MGAT4A: variants seen among roughly 807,000 people sequenced by gnomAD.
The protein encoded by MGAT4A is alpha-1,3-mannosyl-glycoprotein 4-beta-N-acetylglucosaminyltransferase A.
Under a neutral mutation model 74.1 loss-of-function variants are expected in MGAT4A, and 33 were observed. The observed-to-expected ratio is 0.45, with a 90% CI of 0.34 to 0.60. MGAT4A has a LOEUF of 0.60. MGAT4A is among the 20% of genes least tolerant of loss of function. The pLI, the probability that MGAT4A is intolerant of heterozygous loss-of-function variation, is 0.02. For missense variants in MGAT4A, 479 were observed against 628.3 expected, an observed-to-expected ratio of 0.76 and a Z score of 2.54; for synonymous variants, 198 against 210.4, an observed-to-expected ratio of 0.94 and a Z score of 0.51.
At chr2:98,712,158 G>A (rs1289715258) in intron 2 of MGAT4A, among the ~76,000 whole-genome samples, 2 of 152,042 alleles carry the variant, frequency 1.3e-5, no homozygotes, top group Non-Finnish European at 2.9e-5. Context: ...CCCACTCCTT[G>A]GTTCAATCCA....
At chr2:98,726,167 A>G (rs765109823) in intron 2 of MGAT4A, 72 bp downstream of exon 2, 4 of 1,114,522 alleles carry the variant, frequency 3.6e-6, no homozygotes, top group African/African-American at 3.1e-5. Flanking sequence ...ATTTGACCTA[A>G]GCATTTAGGC....
intron 4 of MGAT4A, among the ~76,000 whole-genome samples, chr2:98,668,783 A>C (rs1017119234): frequency 4.6e-5 from 7 of 152,240 alleles, no homozygotes; most frequent in Non-Finnish European, 8.8e-5. Context: ...GCCCAAGACC[A>C]TGGGAACCCA....
chr2:98,623,384 C>T lies in MGAT4A; in HGVS notation c.*2182G>A. The stretch of plus-strand genomic sequence containing the variant: ...CAGAGCATGGTCTTTCTTCATGAAA[C>T]CAGAGTTGGCAACTGAGGAACCAGG... On this transcript the variant is annotated 3_prime_UTR_variant, in exon 16 of 16. Coordinates refer to ENST00000393487, the MANE Select transcript of MGAT4A (RefSeq NM_012214.3). The T allele has an allele frequency of 1.0e-6, 1 of 985,394 alleles. No individual in the cohort carries two copies. The highest frequency in any genetic ancestry group is 1.2e-6 in the Non-Finnish European group (1 of 829,936). 61.0% of individuals were successfully genotyped at this position (985,394 alleles called of 1,614,324 possible).
At chr2:98,684,909 A>C (rs1259250445) in intron 2 of MGAT4A, among the ~76,000 whole-genome samples, 1 of 152,204 alleles carries the variant, frequency 6.6e-6, no homozygotes, top group Admixed American at 6.5e-5. Flanking sequence ...AATATTTATT[A>C]GATAATAAAA....
rs145830526 is a variant in MGAT4A at position 98,666,221 on chromosome 2, CA to C, written c.404-3043del. ...TGCAAATAGGGCTTCAGCTGGCAGA[CA>C]AGAGAAGGGGAGGAATCAAGGGTGA... is the stretch of plus-strand genomic sequence containing the variant. On this transcript the variant is annotated intron_variant, in intron 4 of 15. Coordinates refer to ENST00000393487, the MANE Select transcript of MGAT4A (RefSeq NM_012214.3). 3.7e-3 allele frequency among the ~76,000 whole-genome samples: 569 copies of C among 152,196 alleles called. 1 individual carries two copies. The highest frequency in any genetic ancestry group is 6.6e-3 in the Non-Finnish European group (447 of 67,994).
intron 7 of MGAT4A, 24 bp from the exon 8 acceptor site, chr2:98,655,544 T>C (rs769546669): frequency 6.3e-5 from 97 of 1,528,270 alleles, no homozygotes; most frequent in Non-Finnish European, 8.5e-5. Flanking sequence ...TTTCAAAAAG[T>C]AAGTTAGGAA....
At chr2:98,701,943 G>A (rs867362045) in intron 2 of MGAT4A, among the ~76,000 whole-genome samples, 11 of 152,276 alleles carry the variant, frequency 7.2e-5, no homozygotes, top group Middle Eastern at 3.4e-3. Context: ...CTAGGGGCAC[G>A]TTCGAGAACT....
At chr2:98,669,435 C>A (rs923580346) in intron 4 of MGAT4A, among the ~76,000 whole-genome samples, 2 of 152,144 alleles carry the variant, frequency 1.3e-5, no homozygotes, top group Non-Finnish European at 2.9e-5. Flanking sequence ...GCCCCAGCCA[C>A]GTGGAACTGT....
chr2:98,662,882 A>T (rs1331566898), intron 5 of MGAT4A, among the ~76,000 whole-genome samples, 164 bp downstream of exon 5: 1 of 152,244 alleles, frequency 6.6e-6, no homozygotes. Context: ...GCAGGACAGA[A>T]GTGAGTTCAA....
chr2:98,723,565 A>G (rs1702715580), intron 2 of MGAT4A, among the ~76,000 whole-genome samples: 1 of 152,150 alleles, frequency 6.6e-6, no homozygotes, highest in Admixed American at 6.6e-5. Context: ...GTTTGAATCC[A>G]TACAAGAACC....
At chr2:98,661,945 T>G (rs1284343400) in intron 5 of MGAT4A, among the ~76,000 whole-genome samples, 1 of 151,784 alleles carries the variant, frequency 6.6e-6, no homozygotes, top group Non-Finnish European at 1.5e-5. Flanking sequence ...AAATATCAGA[T>G]AAATCCAAAC....
chr2:98,647,309 T>C (rs1299937219), intron 8 of MGAT4A, among the ~76,000 whole-genome samples: 2 of 152,058 alleles, frequency 1.3e-5, no homozygotes, highest in East Asian at 1.9e-4. Flanking sequence ...ATGTGCTCTT[T>C]TTTTATTTTT....
At chr2:98,721,856 A>G (rs1702677030) in intron 2 of MGAT4A, among the ~76,000 whole-genome samples, 1 of 152,212 alleles carries the variant, frequency 6.6e-6, no homozygotes, top group Non-Finnish European at 1.5e-5. Context: ...CATAAGGCAC[A>G]GGAAAAACAA....
intron 2 of MGAT4A, among the ~76,000 whole-genome samples, chr2:98,702,618 C>T (rs1455017066): frequency 6.6e-6 from 1 of 152,182 alleles, no homozygotes; most frequent in Non-Finnish European, 1.5e-5. Flanking sequence ...GGGGCGCACT[C>T]GCAAACAGCT....
chr2:98,648,181 AT>A (rs1261659652), intron 8 of MGAT4A, among the ~76,000 whole-genome samples: 1 of 152,130 alleles, frequency 6.6e-6, no homozygotes, highest in Non-Finnish European at 1.5e-5. Flanking sequence ...CTGAGGCATA[AT>A]TTTTGGGCAA....
rs1165097904 is a variant in MGAT4A, at chr2:98,675,174, A to C, written c.264T>G (p.Asp88Glu). The part of the protein sequence containing the change: ...GSKDALNKFS[D>E]NTLKLLKELT... The stretch of plus-strand genomic sequence containing the variant: ...ACTCCTTTAACAGCTTTAGGGTATT[A>C]TCTGAAACACAGAAGTATAATTAAT... Residue 88 changes from aspartate (D) to glutamate (E), a missense_variant and splice_region_variant, in exon 4 of 16, where the codon GAT (aspartate) becomes GAG (glutamate). Coordinates refer to ENST00000393487, the MANE Select transcript of MGAT4A (RefSeq NM_012214.3). The C allele has an allele frequency of 1.3e-6, 2 of 1,581,806 alleles. No homozygotes were observed. The highest frequency in any genetic ancestry group is 2.7e-5 in the African/African-American group (2 of 73,376).
intron 2 of MGAT4A, among the ~76,000 whole-genome samples, chr2:98,684,995 G>C (rs922013877): frequency 6.6e-6 from 1 of 152,148 alleles, no homozygotes; most frequent in African/African-American, 2.4e-5. Context: ...CCAGTGCTCT[G>C]GGAGGCCAGG....
At chr2:98,653,223 T>A (rs1701607324) in intron 8 of MGAT4A, among the ~76,000 whole-genome samples, 2 of 128,194 alleles carry the variant, frequency 1.6e-5, no homozygotes, top group Non-Finnish European at 1.7e-5. Flanking sequence ...AAGAAAGATC[T>A]CAAAATCAGC....
At chr2:98,729,009 T>C (rs191652713) in intron 1 of MGAT4A, among the ~76,000 whole-genome samples, 4 of 152,256 alleles carry the variant, frequency 2.6e-5, no homozygotes, top group African/African-American at 9.6e-5. Context: ...CAATTCATAA[T>C]AACGGGGAGG....
Sources: allele counts gnomAD v4.1 joint callset (sites outside exome capture counted in the v4.1 genomes callset), GRCh38; gene constraint gnomAD v4.1.1; transcripts MANE v1.5; gene names NCBI Gene and HGNC (gene_info 2026-07-23, HGNC 2026-07-21).